The following XKR9 variants were observed in gnomAD, a reference collection of about 807,000 sequenced individuals.
XKR9 encodes XK related 9.
Under a neutral mutation model 32.0 loss-of-function variants are expected in XKR9, and 32 were observed. That is an observed-to-expected ratio of 1.00 (90% CI 0.76 to 1.34). The LOEUF (loss-of-function observed/expected upper bound fraction) is 1.34, where lower values mean the gene tolerates loss of function less well. Ranked by LOEUF, XKR9 falls within the 40% of genes most tolerant of loss-of-function variation. The probability of loss-of-function intolerance (pLI) is 0.00; values close to 1 mark genes in which losing one functional copy is unlikely to be tolerated. For synonymous variants in XKR9, 168 were observed against 143.4 expected (o/e 1.17, Z -1.22); for missense variants, 546 against 429.7 (o/e 1.27, Z -2.39).
chr8:70,797,192 G>T, the XKR9 span, among the ~76,000 whole-genome samples: 1 of 152,068 alleles, frequency 6.6e-6, no homozygotes, highest in African/African-American at 2.4e-5. Context: ...TGAGGTAACA[G>T]TCAGAGTGAG....
At chr8:70,678,619 G>T (rs1818961598) in intron 2 of XKR9, among the ~76,000 whole-genome samples, 1 of 152,130 alleles carries the variant, frequency 6.6e-6, no homozygotes, top group African/African-American at 2.4e-5. Flanking sequence ...GGTCTTTCAT[G>T]TTAGCATAAG....
the XKR9 span, among the ~76,000 whole-genome samples, chr8:70,889,348 T>C: frequency 1.3e-5 from 2 of 151,856 alleles, no homozygotes; most frequent in African/African-American, 4.8e-5. Flanking sequence ...GAGTTTTGGT[T>C]GGAGCTTTTT....
the XKR9 span, among the ~76,000 whole-genome samples, chr8:70,845,217 C>T: frequency 6.6e-6 from 1 of 152,222 alleles, no homozygotes; most frequent in Admixed American, 6.5e-5. Flanking sequence ...GACTACACTA[C>T]TGCATACACC....
chr8:70,807,084 A>G, the XKR9 span, among the ~76,000 whole-genome samples: 4 of 152,204 alleles, frequency 2.6e-5, no homozygotes, highest in Non-Finnish European at 4.4e-5. Context: ...GAAACCGTAC[A>G]AGGCAGAAGA....
chr8:70,698,028 A>G (rs1805353542), intron 3 of XKR9, among the ~76,000 whole-genome samples: 1 of 151,898 alleles, frequency 6.6e-6, no homozygotes, highest in Non-Finnish European at 1.5e-5. Flanking sequence ...ATCGGTGGTG[A>G]TATCCCCTTT....
At chr8:70,807,503 T>C in the XKR9 span, among the ~76,000 whole-genome samples, 1 of 152,134 alleles carries the variant, frequency 6.6e-6, no homozygotes, top group Non-Finnish European at 1.5e-5. Flanking sequence ...ATTGGTGTGC[T>C]GAATCCAGGA....
At chr8:70,970,563 A>T in the XKR9 span, among the ~76,000 whole-genome samples, 1 of 152,062 alleles carries the variant, frequency 6.6e-6, no homozygotes, top group African/African-American at 2.4e-5. Context: ...ATGAGAACAT[A>T]CGGTGTTTGG....
chr8:71,028,791 G>T, the XKR9 span, among the ~76,000 whole-genome samples: 1 of 152,012 alleles, frequency 6.6e-6, no homozygotes, highest in East Asian at 1.9e-4. Flanking sequence ...AGACATCTAA[G>T]AATTAGGGAT....
At chr8:70,730,829 GTCTAAAGC>G (rs1806640677) in intron 4 of XKR9, among the ~76,000 whole-genome samples, 1 of 152,230 alleles carries the variant, frequency 6.6e-6, no homozygotes, top group Non-Finnish European at 1.5e-5. Flanking sequence ...CCCAGAAGAA[GTCTAAAGC>G]AGCCAATTTC....
At chr8:70,946,499 G>A in the XKR9 span, among the ~76,000 whole-genome samples, 1 of 152,146 alleles carries the variant, frequency 6.6e-6, no homozygotes, top group Non-Finnish European at 1.5e-5. Context: ...GTCCTTCAGA[G>A]TAAAGTGTCA....
chr8:71,039,417 G>A, the XKR9 span, among the ~76,000 whole-genome samples: 1 of 152,152 alleles, frequency 6.6e-6, no homozygotes, highest in Admixed American at 6.5e-5. Context: ...ATAATAAAGT[G>A]TTGCATATCT....
At chr8:70,796,724 A>G in the XKR9 span, among the ~76,000 whole-genome samples, 3 of 152,226 alleles carry the variant, frequency 2.0e-5, no homozygotes, top group African/African-American at 4.8e-5. Flanking sequence ...TCATTTTAAA[A>G]TTAAATACTG....
At chr8:70,880,408 A>G in the XKR9 span, among the ~76,000 whole-genome samples, 1 of 152,220 alleles carries the variant, frequency 6.6e-6, no homozygotes, top group African/African-American at 2.4e-5. Context: ...TTAACCTGAT[A>G]AGCAACTTAG....
At chr8:70,890,616 C>A in the XKR9 span, among the ~76,000 whole-genome samples, 2 of 152,038 alleles carry the variant, frequency 1.3e-5, no homozygotes, top group South Asian at 4.2e-4. Flanking sequence ...TATTGATTTG[C>A]ATATATTGAA....
chr8:71,061,271 A>G, the XKR9 span, among the ~76,000 whole-genome samples: 8 of 152,176 alleles, frequency 5.3e-5, no homozygotes, highest in African/African-American at 1.9e-4. Context: ...CTTTATTCCC[A>G]TAGAGACAGA....
intron 3 of XKR9, among the ~76,000 whole-genome samples, chr8:70,700,887 T>A (rs1805502299): frequency 6.6e-6 from 1 of 152,176 alleles, no homozygotes; most frequent in African/African-American, 2.4e-5. Context: ...GCCTGGGCAA[T>A]GGTGGGCACC....
chr8:70,679,348 T>A (rs1343345973), intron 2 of XKR9, among the ~76,000 whole-genome samples: 1 of 152,222 alleles, frequency 6.6e-6, no homozygotes, highest in Non-Finnish European at 1.5e-5. Context: ...CAAGTACTTT[T>A]CTAGGGGTTT....
chr8:71,059,668 C>G, the XKR9 span, among the ~76,000 whole-genome samples: 7 of 152,214 alleles, frequency 4.6e-5, no homozygotes, highest in East Asian at 9.7e-4. Context: ...TGTGAAGGAC[C>G]GGCTCTCTCT....
At chr8:71,038,846 C>A in the XKR9 span, among the ~76,000 whole-genome samples, 1 of 148,918 alleles carries the variant, frequency 6.7e-6, no homozygotes, top group Non-Finnish European at 1.5e-5. Flanking sequence ...GTACTGCCAC[C>A]CAGGCTGGAG....
Sources: gnomAD v4.1 joint callset for allele counts (sites outside exome capture counted in the v4.1 genomes callset) on GRCh38, gnomAD v4.1.1 for gene constraint, MANE v1.5 for transcripts, NCBI Gene and HGNC (gene_info 2026-07-23, HGNC 2026-07-21) for gene names.